Variants in VAC14 observed in about 807,000 individuals in gnomAD.
VAC14 encodes the protein VAC14 component of PIKFYVE complex.
In VAC14, 47 loss-of-function variants were observed where a neutral mutation model predicts 85.3. The ratio of observed to expected loss-of-function variants is 0.55; its 90% CI spans 0.44 to 0.70. The LOEUF (loss-of-function observed/expected upper bound fraction) is 0.70, where lower values mean the gene tolerates loss of function less well. VAC14 is among the 30% of genes least tolerant of loss of function. The probability of loss-of-function intolerance (pLI) is 0.00; values close to 1 mark genes in which losing one functional copy is unlikely to be tolerated. For missense variants in VAC14, 861 were observed against 1,004.3 expected, an observed-to-expected ratio of 0.86 and a Z score of 1.93; for synonymous variants, 447 against 430.5, an observed-to-expected ratio of 1.04 and a Z score of -0.47.
chr16:70,708,059 G>A (rs2053955810), intron 14 of VAC14, among the ~76,000 whole-genome samples: 1 of 152,126 alleles, frequency 6.6e-6, no homozygotes, highest in African/African-American at 2.4e-5. Flanking sequence ...CAAAGTGCTG[G>A]GATGACAGGC....
intron 10 of VAC14, chr16:70,766,473 A>G: frequency 2.2e-6 from 1 of 456,762 alleles, no homozygotes; most frequent in South Asian, 1.5e-5. Context: ...ACCTGAAGGT[A>G]TAGGGCATCT....
intron 16 of VAC14, among the ~76,000 whole-genome samples, chr16:70,696,539 G>A (rs2053714400): frequency 6.6e-6 from 1 of 152,192 alleles, no homozygotes; most frequent in Non-Finnish European, 1.5e-5. Flanking sequence ...AACTCTGGAT[G>A]CCTTTTGATG....
chr16:70,722,869 C>G (rs1220300062), intron 14 of VAC14, among the ~76,000 whole-genome samples: 1 of 152,038 alleles, frequency 6.6e-6, no homozygotes, highest in Non-Finnish European at 1.5e-5. Flanking sequence ...GGTTTGAGCC[C>G]AGGAGTTCAA....
At chr16:70,779,571 G>A (rs544104987) in intron 9 of VAC14, among the ~76,000 whole-genome samples, 4 of 152,126 alleles carry the variant, frequency 2.6e-5, no homozygotes, top group African/African-American at 9.7e-5. Context: ...TGGAGCACAA[G>A]GACTTTGTCT....
chr16:70,742,217 G>A (rs1422712346), intron 13 of VAC14, among the ~76,000 whole-genome samples: 1 of 152,132 alleles, frequency 6.6e-6, no homozygotes, highest in Non-Finnish European at 1.5e-5. Flanking sequence ...CCTGCTTCCT[G>A]GGGAGGGAGA....
At chr16:70,759,589 C>T (rs2032152208) in intron 12 of VAC14, among the ~76,000 whole-genome samples, 1 of 152,184 alleles carries the variant, frequency 6.6e-6, no homozygotes, top group East Asian at 1.9e-4. Flanking sequence ...CATCACATCA[C>T]CGCACTCTAG....
At chr16:70,705,281 C>G (rs2053899845) in intron 14 of VAC14, among the ~76,000 whole-genome samples, 1 of 152,220 alleles carries the variant, frequency 6.6e-6, no homozygotes, top group East Asian at 1.9e-4. Flanking sequence ...GATGATGCAT[C>G]TGACCCGTGG....
Position 70,702,740 on chromosome 16 carries a change from G to C in VAC14, c.1662-3929C>G, listed in dbSNP as rs544091412. The stretch of plus-strand genomic sequence containing the variant: ...AGGCTCAGGGCAGAGGGTGTGAGAA[G>C]TGGGCCCTTGAGTCAGGAAGCTGGG... On this transcript the variant is annotated intron_variant, in intron 14 of 18. Coordinates refer to ENST00000261776, the MANE Select transcript of VAC14 (RefSeq NM_018052.5). Among the ~76,000 whole-genome samples, 188 of 152,362 alleles carry C rather than the reference G, an allele frequency of 1.2e-3. 1 individual carries two copies. Among genetic ancestry groups the C allele is most frequent in the African/African-American group, 4.3e-3 (180 of 41,590 alleles).
At chr16:70,735,304 C>A (rs534785974) in intron 13 of VAC14, among the ~76,000 whole-genome samples, 37 of 150,466 alleles carry the variant, frequency 2.5e-4, no homozygotes, top group African/African-American at 8.7e-4. Flanking sequence ...GGCACAAGCA[C>A]AAGATAGGCA....
intron 14 of VAC14, among the ~76,000 whole-genome samples, chr16:70,711,730 G>A (rs1488972664): frequency 6.6e-6 from 1 of 152,232 alleles, no homozygotes; most frequent in Non-Finnish European, 1.5e-5. Context: ...AGAGCCATGA[G>A]TGCCTTTCTT....
chr16:70,747,698 C>G (rs904897777), intron 12 of VAC14: 2 of 152,206 alleles, frequency 1.3e-5, no homozygotes, highest in Non-Finnish European at 2.9e-5. Flanking sequence ...TGCTGCCCAT[C>G]CCACCCAGGT....
At position 70,800,974 on chromosome 16, in the gene VAC14, C is replaced by T; in HGVS notation, c.-74G>A. ...GCCGCGCCGGGGCCAGGGGAGTCTG[C>T]GGCTCCGCTCTGCCCCCGGCGCCGG... On this transcript the variant is annotated 5_prime_UTR_variant, in exon 1 of 19. Coordinates refer to ENST00000261776, the MANE Select transcript of VAC14 (RefSeq NM_018052.5). The T allele has an allele frequency of 1.8e-6, 2 of 1,090,058 alleles. No homozygotes were observed. The highest frequency in any genetic ancestry group is 2.5e-6 in the Non-Finnish European group (2 of 793,270). 67.5% of individuals were successfully genotyped at this position (1,090,058 alleles called of 1,614,324 possible).
At position 70,785,177 on chromosome 16, in the gene VAC14, C is replaced by T. The variant is rs549284820; in HGVS notation, c.424-339G>A. Among the ~76,000 whole-genome samples, 12 of 152,362 alleles carry T rather than the reference C, an allele frequency of 7.9e-5. No individual in the cohort carries two copies. In the South Asian group the frequency reaches 2.5e-3, roughly 32 times the overall value. On this transcript the variant is annotated intron_variant, in intron 3 of 18. Coordinates refer to ENST00000261776, the MANE Select transcript of VAC14 (RefSeq NM_018052.5). ...ATCTTAAAGCGCTGGGTCCTTGTTC[C>T]ACTCCTGGAGGAGGGGACAGGGTAG...
chr16:70,800,752 C>T (rs756197351), intron 1 of VAC14, 45 bp downstream of exon 1: 6 of 1,531,612 alleles, frequency 3.9e-6, no homozygotes, highest in South Asian at 3.4e-5. Context: ...GGGAGCAGAG[C>T]AGTCAGGGGC....
At chr16:70,772,220 T>C (rs2033273902) in intron 9 of VAC14, 48 bp from the exon 10 acceptor site, 2 of 1,527,812 alleles carry the variant, frequency 1.3e-6, no homozygotes, top group Non-Finnish European at 9.1e-7. Flanking sequence ...GTTGGCTCTC[T>C]TGAATAAACA....
intron 1 of VAC14, among the ~76,000 whole-genome samples, chr16:70,798,102 A>C (rs2034623813): frequency 6.6e-6 from 1 of 152,210 alleles, no homozygotes; most frequent in Non-Finnish European, 1.5e-5. Context: ...TTACAGATGA[A>C]GAAATTGAGG....
intron 12 of VAC14, among the ~76,000 whole-genome samples, chr16:70,746,586 C>T (rs751761870): frequency 7.9e-5 from 12 of 152,170 alleles, no homozygotes; most frequent in South Asian, 2.1e-4. Flanking sequence ...GGCCAGGAGC[C>T]GGGGAGCCCT....
chr16:70,769,092 A>G (rs1657545403), intron 10 of VAC14: 1 of 225,924 alleles, frequency 4.4e-6, no homozygotes, highest in African/African-American at 2.4e-5. Flanking sequence ...CTGGGATTAT[A>G]AGCGTGAGCC....
intron 14 of VAC14, among the ~76,000 whole-genome samples, chr16:70,711,909 AGCCTCACGGCG>A (rs1025606378): frequency 6.6e-6 from 1 of 152,244 alleles, no homozygotes; most frequent in Non-Finnish European, 1.5e-5. Context: ...ATATCAGAGC[AGCCTCACGGCG>A]GCCTCTGAGA....
Sources: allele counts gnomAD v4.1 joint callset (sites outside exome capture counted in the v4.1 genomes callset), GRCh38; gene constraint gnomAD v4.1.1; transcripts MANE v1.5; gene names NCBI Gene and HGNC (gene_info 2026-07-23, HGNC 2026-07-21).